Variants in MPPED1 observed in about 807,000 individuals in gnomAD.
The protein encoded by MPPED1 is metallophosphoesterase domain containing 1, also known as metallophosphoesterase domain-containing protein 1.
Under a neutral mutation model 36.2 loss-of-function variants are expected in MPPED1, and 16 were observed. The observed-to-expected ratio is 0.44, with a 90% CI of 0.30 to 0.67. MPPED1 has a LOEUF of 0.67. Among genes scored for constraint, MPPED1 ranks in the 30% least tolerant of loss-of-function variants. The probability of loss-of-function intolerance (pLI) is 0.10; values close to 1 mark genes in which losing one functional copy is unlikely to be tolerated. For missense variants in MPPED1, 307 were observed against 453.4 expected, an observed-to-expected ratio of 0.68 and a Z score of 2.93; for synonymous variants, 199 against 191.3, an observed-to-expected ratio of 1.04 and a Z score of -0.33.
chr22:43,420,097 C>T (rs1929212036), intron 1 of MPPED1, among the ~76,000 whole-genome samples: 2 of 152,110 alleles, frequency 1.3e-5, no homozygotes. Flanking sequence ...AGGTTTGTTC[C>T]AGCCCCTCTG....
chr22:43,447,859 T>TATATATA (rs1421264893), intron 3 of MPPED1, among the ~76,000 whole-genome samples: 3 of 62,526 alleles, frequency 4.8e-5, no homozygotes, highest in African/African-American at 1.6e-4. Flanking sequence ...TATGTAAATA[T>TATATATA]TATATATATA....
Position 43,425,217 on chromosome 22 carries a change from G to C in MPPED1, c.224+8G>C, listed in dbSNP as rs533828259. 1.3e-6 allele frequency: 2 copies of C among 1,586,766 alleles called. No individual in the cohort carries two copies. Among genetic ancestry groups the C allele is most frequent in the African/African-American group, 2.7e-5 (2 of 74,630 alleles). ...GCCACCGCATGTGCAGATGTAAGTGGGACCGGTGGGGTGGGGGTGGGGGCG... is the reference window on the plus strand; with the variant it reads ...GCCACCGCATGTGCAGATGTAAGTGCGACCGGTGGGGTGGGGGTGGGGGCG... On this transcript the variant is annotated splice_region_variant and intron_variant, in intron 2 of 6. Coordinates refer to ENST00000443721, the MANE Select transcript of MPPED1 (RefSeq NM_001044370.2).
At position 43,506,851 on chromosome 22, in the gene MPPED1, T is replaced by C. The variant is rs1932824919; in HGVS notation, c.*1235T>C. 1 of 152,206 alleles carries C rather than the reference T, an allele frequency of 6.6e-6. No individual in the cohort carries two copies. Among genetic ancestry groups the C allele is most frequent in the Non-Finnish European group, 1.5e-5 (1 of 68,038 alleles). 9.4% of individuals were successfully genotyped at this position (152,206 alleles called of 1,614,324 possible). On this transcript the variant is annotated 3_prime_UTR_variant, in exon 7 of 7. Transcript: ENST00000443721. ...GATTCTGTCGTTATTTAATATTTTGTTCATCATGGACTTTTTCTGCATTTA... is the reference window on the plus strand; with the variant it reads ...GATTCTGTCGTTATTTAATATTTTGCTCATCATGGACTTTTTCTGCATTTA...
rs377088922 is a variant in MPPED1, at chr22:43,425,128, A to G, written c.143A>G (p.Asp48Gly). ...HQHSRLIIEV[D>G]EYSSNPTQAF... ...CACAGCCGGCTCATCATCGAGGTGG[A>G]CGAGTACAGCTCCAACCCCACCCAG... The change falls in exon 2 of 7, where the codon GAC becomes GGC. Residue 48 changes from aspartate (D) to glycine (G), a missense_variant. Physicochemically the swap from Asp to Gly is moderately conservative, Grantham distance 94. This residue lies in a region of MPPED1 where 169 missense variants were observed against 212.3 expected (regional missense o/e 0.80). Coordinates refer to ENST00000443721, the MANE Select transcript of MPPED1 (RefSeq NM_001044370.2). The G allele has an allele frequency of 7.4e-6, 12 of 1,613,818 alleles. No homozygotes were observed. The highest frequency in any genetic ancestry group is 8.5e-6 in the Non-Finnish European group (10 of 1,179,868).
intron 3 of MPPED1, among the ~76,000 whole-genome samples, chr22:43,471,487 C>CA (rs1170607004): frequency 6.6e-6 from 1 of 152,192 alleles, no homozygotes; most frequent in Non-Finnish European, 1.5e-5. Flanking sequence ...GTGGGTTTCC[C>CA]AGCCTTTGAG....
rs1341821516 is a variant in MPPED1 at position 43,474,612 on chromosome 22, C to T, written c.407-124C>T. Reference sequence around the variant, plus strand: ...ACAAGATCGTGATCGCGGGCAACCACGAGCTGACCTTTGACCAGGAGTTCA... The same window carrying T: ...ACAAGATCGTGATCGCGGGCAACCATGAGCTGACCTTTGACCAGGAGTTCA... On this transcript the variant is annotated intron_variant, in intron 3 of 6. Coordinates refer to ENST00000443721, the MANE Select transcript of MPPED1 (RefSeq NM_001044370.2). The surrounding 1 kb of genome is among the most constrained non-coding windows in gnomAD (Gnocchi z 5.2). 1.0e-5 allele frequency: 16 copies of T among 1,550,776 alleles called. No individual in the cohort carries two copies. Among genetic ancestry groups the T allele is most frequent in the African/African-American group, 1.4e-5 (1 of 73,534 alleles).
At chr22:43,469,238 C>G (rs1040184890) in intron 3 of MPPED1, among the ~76,000 whole-genome samples, 3 of 152,154 alleles carry the variant, frequency 2.0e-5, no homozygotes, top group Non-Finnish European at 4.4e-5. Flanking sequence ...GGAATAGCAG[C>G]AGGAAAGGGC....
intron 4 of MPPED1, among the ~76,000 whole-genome samples, chr22:43,491,499 A>G (rs559171356): frequency 7.1e-5 from 10 of 141,520 alleles, no homozygotes; most frequent in Admixed American, 6.9e-4. Context: ...GGTTGTAATG[A>G]TGGAGGTGGT....
chr22:43,432,224 C>A (rs1002318328), intron 2 of MPPED1, among the ~76,000 whole-genome samples: 11 of 59,064 alleles, frequency 1.9e-4, no homozygotes, highest in African/African-American at 5.7e-4. Flanking sequence ...GAGAGAGACA[C>A]AGAGAGAAAG....
rs6003192 is a variant in MPPED1 at position 43,425,570 on chromosome 22, C to T, written c.224+361C>T. ...CACATGTCCTCCTGGCAGCGTCTGG[C>T]GGGGGCCACATTCCCGATCCCTTTC... On this transcript the variant is annotated intron_variant, in intron 2 of 6. Transcript: ENST00000443721. 7.4e-3 allele frequency among the ~76,000 whole-genome samples: 1,133 copies of T among 152,346 alleles called. 11 individuals are homozygous for T. Among genetic ancestry groups the T allele is most frequent in the African/African-American group, 0.026 (1,076 of 41,582 alleles).
intron 1 of MPPED1, among the ~76,000 whole-genome samples, chr22:43,417,356 C>T (rs1929109362): frequency 6.6e-6 from 1 of 151,322 alleles, no homozygotes; most frequent in Non-Finnish European, 1.5e-5. Flanking sequence ...AGATCAAACA[C>T]AAAGGTCTGT....
At chr22:43,421,190 T>C (rs1929260947) in intron 1 of MPPED1, among the ~76,000 whole-genome samples, 1 of 152,256 alleles carries the variant, frequency 6.6e-6, no homozygotes, top group South Asian at 2.1e-4. Flanking sequence ...TGGGAGATGC[T>C]GCGCCTCCTC....
At chr22:43,432,401 GAGAGAGAGATAAAGGGAGGAGAGA>G (rs1929732789) in intron 2 of MPPED1, among the ~76,000 whole-genome samples, 3 of 134,658 alleles carry the variant, frequency 2.2e-5, no homozygotes, top group Admixed American at 2.2e-4. Context: ...AGAAACGGAG[GAGAGAGAGATAAAGGGAGGAGAGA>G]GAAAGGGAGG....
At chr22:43,455,915 G>C (rs1249305869) in intron 3 of MPPED1, among the ~76,000 whole-genome samples, 1 of 152,186 alleles carries the variant, frequency 6.6e-6, no homozygotes, top group African/African-American at 2.4e-5. Context: ...TCCTTTCACT[G>C]CTCTGGGGGT....
intron 3 of MPPED1, among the ~76,000 whole-genome samples, chr22:43,463,687 T>C (rs1931036505): frequency 6.6e-6 from 1 of 152,170 alleles, no homozygotes. Flanking sequence ...TCACCAAGGA[T>C]GTCAATGATA....
At chr22:43,460,918 A>G (rs1283269066) in intron 3 of MPPED1, among the ~76,000 whole-genome samples, 1 of 152,140 alleles carries the variant, frequency 6.6e-6, no homozygotes, top group Non-Finnish European at 1.5e-5. Context: ...CCAGATTTTC[A>G]TTTTAAGTTT....
intron 3 of MPPED1, among the ~76,000 whole-genome samples, chr22:43,441,608 G>A (rs994752925): frequency 1.3e-5 from 2 of 152,206 alleles, no homozygotes; most frequent in African/African-American, 2.4e-5. Context: ...AGGAAGATGA[G>A]GGCCTGGTAA....
At chr22:43,437,207 C>A (rs1460438301) in intron 3 of MPPED1, among the ~76,000 whole-genome samples, 1 of 152,140 alleles carries the variant, frequency 6.6e-6, no homozygotes, top group Non-Finnish European at 1.5e-5. Context: ...GCCAGGTCCC[C>A]AGAGTTTGGT....
rs1932824471 is a variant in MPPED1 at position 43,506,802 on chromosome 22, C to G, written c.*1186C>G. 6.6e-6 allele frequency: 1 copy of G among 152,126 alleles called. No homozygotes were observed. The highest frequency in any genetic ancestry group is 2.4e-5 in the African/African-American group (1 of 41,408). The allele number at this position is 152,126 out of a possible 1,614,324, so 9.4% of individuals were successfully genotyped here. On this transcript the variant is annotated 3_prime_UTR_variant, in exon 7 of 7. Coordinates refer to ENST00000443721, the MANE Select transcript of MPPED1 (RefSeq NM_001044370.2). ...CCTAGATGAGGGGCAGGCAGTCAGG[C>G]AGAAATGGGCAAGTTCAGGGTCAGA...
Sources: gnomAD v4.1 joint callset for allele counts (sites outside exome capture counted in the v4.1 genomes callset) on GRCh38, gnomAD v4.1.1 for gene constraint, gnomAD v4.1.1 regional missense constraint, Gnocchi (gnomAD v3.1) non-coding constraint, MANE v1.5 for transcripts, NCBI Gene and HGNC (gene_info 2026-07-23, HGNC 2026-07-21) for gene names.